KLHL13: variants seen among roughly 807,000 people sequenced by gnomAD.
KLHL13 encodes the protein kelch-like protein 13.
A neutral mutation model predicts 37.1 loss-of-function variants in KLHL13; 10 were observed. That is an observed-to-expected ratio of 0.27 (90% CI 0.17 to 0.46). The LOEUF is 0.46. KLHL13 is among the 20% of genes least tolerant of loss of function. The pLI, the probability that KLHL13 is intolerant of heterozygous loss-of-function variation, is 1.00. For synonymous variants in KLHL13, 163 were observed against 181.2 expected (o/e 0.90, Z 0.81); for missense variants, 360 against 509.3 (o/e 0.71, Z 2.82).
At chrX:118,043,400 G>T (rs901376768) in intron 1 of KLHL13, among the ~76,000 whole-genome samples, 5 of 111,508 alleles carry the variant, frequency 4.5e-5, no homozygotes, top group Non-Finnish European at 7.6e-5. Flanking sequence ...GGCCAGTATT[G>T]CCCTGATACC....
chrX:118,040,053 A>T (rs1297785992), intron 1 of KLHL13, among the ~76,000 whole-genome samples: 1 of 111,738 alleles, frequency 8.9e-6, no homozygotes, highest in East Asian at 2.8e-4. Flanking sequence ...GATGCCCATT[A>T]ATGAAAATAT....
intron 1 of KLHL13, among the ~76,000 whole-genome samples, chrX:117,958,520 T>C (rs566585712): frequency 7.3e-5 from 8 of 110,019 alleles, no homozygotes; most frequent in African/African-American, 2.6e-4. Context: ...AACACTTTCA[T>C]GTGAAGTGAT....
intron 2 of KLHL13, among the ~76,000 whole-genome samples, chrX:117,925,514 C>T (rs1208950766): frequency 1.8e-5 from 2 of 111,924 alleles, no homozygotes; most frequent in African/African-American, 6.5e-5. Flanking sequence ...GGCTGCTCTT[C>T]ATTTTATTCA....
chrX:118,011,099 A>G (rs1266100087), intron 1 of KLHL13, among the ~76,000 whole-genome samples: 3 of 108,771 alleles, frequency 2.8e-5, no homozygotes, highest in Non-Finnish European at 5.7e-5. Flanking sequence ...TAAATAAATA[A>G]ATAAGAAAAG....
intron 1 of KLHL13, among the ~76,000 whole-genome samples, chrX:117,982,444 C>A (rs2053673426): frequency 1.8e-5 from 2 of 111,212 alleles, no homozygotes; most frequent in Non-Finnish European, 3.8e-5. Flanking sequence ...GCAATGTGTG[C>A]AAATAATATC....
chrX:117,923,493 T>A (rs1197383651), intron 2 of KLHL13, among the ~76,000 whole-genome samples: 1 of 112,264 alleles, frequency 8.9e-6, no homozygotes, highest in Non-Finnish European at 1.9e-5. Flanking sequence ...GCAATGATTG[T>A]ATCTGATCCA....
At chrX:117,906,057 C>G (rs980903696) in intron 5 of KLHL13, among the ~76,000 whole-genome samples, 2 of 111,271 alleles carry the variant, frequency 1.8e-5, no homozygotes, top group African/African-American at 6.5e-5. Context: ...TTCCTGCCAC[C>G]CATTCCCATC....
intron 1 of KLHL13, chrX:117,983,502 T>C (rs2053688919): frequency 8.7e-7 from 1 of 1,149,123 alleles, no homozygotes; most frequent in Non-Finnish European, 1.2e-6. Flanking sequence ...TTTTTGAATA[T>C]ATCCTTGAAA....
chrX:118,081,425 A>G (rs2054992594), intron 1 of KLHL13, among the ~76,000 whole-genome samples: 1 of 110,859 alleles, frequency 9.0e-6, no homozygotes, highest in Non-Finnish European at 1.9e-5. Flanking sequence ...GAATACAAAT[A>G]CCATTTGTTA....
At chrX:117,968,224 G>C (rs1206774827) in intron 1 of KLHL13, among the ~76,000 whole-genome samples, 2 of 111,519 alleles carry the variant, frequency 1.8e-5, no homozygotes, top group African/African-American at 6.5e-5. Flanking sequence ...AAAGATACAA[G>C]GAACTGATTT....
At chrX:118,100,904 A>G (rs2055280682) in intron 1 of KLHL13, among the ~76,000 whole-genome samples, 1 of 111,594 alleles carries the variant, frequency 9.0e-6, no homozygotes, top group African/African-American at 3.3e-5. Context: ...GACTATTCCA[A>G]TCATTTCTAT....
Position 117,945,788 on chromosome X carries a change from T to C in KLHL13, c.99-213A>G. On this transcript the variant is annotated intron_variant, in intron 1 of 6. Transcript: ENST00000262820. Reference sequence around the variant, plus strand: ...TTCCAAGTACAGAATATACAGATGATAACTGAGAAATCAACTTAAAAGGTG... The same window carrying C: ...TTCCAAGTACAGAATATACAGATGACAACTGAGAAATCAACTTAAAAGGTG... The C allele has an allele frequency of 6.5e-6, 2 of 309,099 alleles. 1 individual carries two copies. Among genetic ancestry groups the C allele is most frequent in the South Asian group, 2.3e-4 (2 of 8,614 alleles). The allele number at this position is 309,099 out of a possible 1,213,427, so 25.5% of individuals were successfully genotyped here.
intron 5 of KLHL13, among the ~76,000 whole-genome samples, chrX:117,903,173 G>GGAGAGT (rs1930234292): frequency 1.0e-5 from 1 of 96,707 alleles, no homozygotes; most frequent in Admixed American, 1.1e-4. Flanking sequence ...GAGAGAGAGA[G>GGAGAGT]GAGAGCGAGA....
intron 1 of KLHL13, among the ~76,000 whole-genome samples, chrX:118,078,540 T>C (rs756054929): frequency 9.0e-6 from 1 of 111,633 alleles, no homozygotes; most frequent in East Asian, 2.8e-4. Context: ...CCTCTTTTAG[T>C]TGATTAGCAT....
chrX:118,080,448 G>A (rs746144210), intron 1 of KLHL13, among the ~76,000 whole-genome samples: 1 of 110,172 alleles, frequency 9.1e-6, no homozygotes, highest in African/African-American at 3.3e-5. Flanking sequence ...TTAAAAAAAC[G>A]GGCAAAGGAC....
At chrX:117,988,153 T>C (rs1173147079) in intron 1 of KLHL13, among the ~76,000 whole-genome samples, 2 of 112,218 alleles carry the variant, frequency 1.8e-5, no homozygotes, top group East Asian at 2.8e-4. Flanking sequence ...TTTTATATTA[T>C]ATTTTGATTA....
chrX:117,973,895 A>ACCTGCTTGGCC, upstream of KLHL13: 1 of 165,073 alleles, frequency 6.1e-6, no homozygotes, highest in Non-Finnish European at 9.0e-6. Flanking sequence ...ACTGCTGGCC[A>ACCTGCTTGGCC]AGCAGGTGTC....
chrX:118,061,456 T>G (rs1184109358), intron 1 of KLHL13, among the ~76,000 whole-genome samples: 1 of 111,178 alleles, frequency 9.0e-6, no homozygotes, highest in Non-Finnish European at 1.9e-5. Context: ...AATACACAGG[T>G]AGTATACGAA....
At chrX:118,032,622 A>G (rs1480857271) in intron 1 of KLHL13, among the ~76,000 whole-genome samples, 1 of 111,650 alleles carries the variant, frequency 9.0e-6, no homozygotes, top group African/African-American at 3.3e-5. Context: ...AAAAGTAGAT[A>G]AAACCACAAA....
Sources: gnomAD v4.1 joint callset for allele counts (sites outside exome capture counted in the v4.1 genomes callset) on GRCh38, gnomAD v4.1.1 for gene constraint, MANE v1.5 for transcripts, NCBI Gene and HGNC (gene_info 2026-07-23, HGNC 2026-07-21) for gene names.